ODAM: variants seen among roughly 807,000 people sequenced by gnomAD.
The protein encoded by ODAM is odontogenic ameloblast-associated protein.
A neutral mutation model predicts 48.5 loss-of-function variants in ODAM; 55 were observed. That is an observed-to-expected ratio of 1.13 (90% CI 0.91 to 1.42). The LOEUF (loss-of-function observed/expected upper bound fraction) is 1.42. Ranked by LOEUF, ODAM falls within the 40% of genes most tolerant of loss-of-function variation. ODAM has a pLI of 0.00. For missense variants in ODAM, 353 were observed against 323.6 expected (o/e 1.09, Z -0.70); for synonymous variants, 127 against 107.8 (o/e 1.18, Z -1.10).
chr4:70,200,285 C>A, intron 6 of ODAM: 1 of 456,888 alleles, frequency 2.2e-6, no homozygotes, highest in African/African-American at 2.1e-5. Flanking sequence ...TGTGTTTGCC[C>A]AAGCAACCTT....
chr4:70,197,882 G>A (rs1217274892), intron 4 of ODAM, 42 bp from the exon 5 acceptor site: 1 of 1,511,142 alleles, frequency 6.6e-7, no homozygotes, highest in South Asian at 1.2e-5. Flanking sequence ...AATTCTTTTT[G>A]GCATGAAGGG....
At chr4:70,201,186 G>A (rs1222978959) in intron 7 of ODAM, among the ~76,000 whole-genome samples, 3 of 151,620 alleles carry the variant, frequency 2.0e-5, no homozygotes, top group Non-Finnish European at 4.4e-5. Flanking sequence ...AGAAAACTCA[G>A]AATTATGCTT....
Position 70,200,601 on chromosome 4 carries a change from G to C in ODAM, c.528G>C (p.Gln176His). Residue 176 changes from glutamine to histidine, a missense_variant and splice_region_variant, in exon 7 of 12, where the codon CAG becomes CAC. By Grantham distance (24) the Gln-to-His change is conservative (BLOSUM62 0). Transcript: ENST00000683306. ...QQTRQQQYEE[Q>H]IPFYAQFGYI... ...CAAGACAGCAACAGTATGAGGAGCA[G>C]GTACTGCAAATGTTTTATTTTAATC... The C allele has an allele frequency of 6.3e-7, 1 of 1,584,574 alleles. No homozygotes were observed. Among genetic ancestry groups the C allele is most frequent in the Non-Finnish European group, 8.7e-7 (1 of 1,155,750 alleles).
chr4:70,201,146 A>G (rs1729484761), intron 7 of ODAM, among the ~76,000 whole-genome samples: 1 of 151,994 alleles, frequency 6.6e-6, no homozygotes, highest in East Asian at 1.9e-4. Context: ...TAGTTTAATC[A>G]TAACTCTAAA....
chr4:70,201,889 T>C (rs1729500949), intron 8 of ODAM, among the ~76,000 whole-genome samples: 1 of 151,954 alleles, frequency 6.6e-6, no homozygotes, highest in African/African-American at 2.4e-5. Flanking sequence ...CAGTCGCTCA[T>C]ATTAGCCAAG....
chr4:70,202,208 A>G (rs781631507), intron 8 of ODAM, 50 bp from the exon 9 acceptor site: 17 of 1,423,126 alleles, frequency 1.2e-5, no homozygotes, highest in Non-Finnish European at 1.6e-5. Flanking sequence ...CAAAGAGCAT[A>G]TTTTCAACGA....
intron 4 of ODAM, 21 bp from the exon 5 acceptor site, chr4:70,197,903 C>A: frequency 6.3e-7 from 1 of 1,597,780 alleles, no homozygotes; most frequent in African/African-American, 1.3e-5. Context: ...AACATGCTTT[C>A]TTTCCTTTGT....
chr4:70,202,183 G>T (rs1729511030), intron 8 of ODAM, 75 bp from the exon 9 acceptor site: 1 of 995,088 alleles, frequency 1.0e-6, no homozygotes, highest in Admixed American at 1.8e-5. Flanking sequence ...TTACTACTCT[G>T]GTACTCTGGG....
intron 3 of ODAM, among the ~76,000 whole-genome samples, chr4:70,197,005 T>C (rs564899447): frequency 1.1e-4 from 16 of 152,180 alleles, no homozygotes; most frequent in African/African-American, 3.6e-4. Context: ...TGTATATAGG[T>C]GTTTAAAAAC....
intron 3 of ODAM, among the ~76,000 whole-genome samples, 191 bp downstream of exon 3, chr4:70,196,924 T>C (rs1298706739): frequency 6.6e-6 from 1 of 152,022 alleles, no homozygotes; most frequent in Non-Finnish European, 1.5e-5. Flanking sequence ...TTCCCTTGAT[T>C]GATTGTTAAT....
chr4:70,198,501 G>C, intron 5 of ODAM, 78 bp from the exon 6 acceptor site: 1 of 1,113,866 alleles, frequency 9.0e-7, no homozygotes, highest in Non-Finnish European at 1.3e-6. Flanking sequence ...TATATGGCTA[G>C]CTCTAGGAAA....
chr4:70,201,630 T>A (rs1729496236), intron 8 of ODAM, 129 bp downstream of exon 8: 4 of 650,112 alleles, frequency 6.2e-6, no homozygotes, highest in East Asian at 2.9e-5. Flanking sequence ...ATTGTATGTA[T>A]CCACTCAGTA....
chr4:70,196,752 A>G lies in ODAM; in HGVS notation c.93+19A>G. 6.3e-7 allele frequency: 1 copy of G among 1,581,486 alleles called. No homozygotes were observed. Among genetic ancestry groups the G allele is most frequent in the Non-Finnish European group, 8.6e-7 (1 of 1,157,452 alleles). ...CAATGAGGTTAGTTTAAATAATTAA[A>G]ACAATCTCCTCCTTTTTTTAATGGA... On this transcript the variant is annotated intron_variant, in intron 3 of 11. Coordinates refer to ENST00000683306, the MANE Select transcript of ODAM (RefSeq NM_017855.4).
At chr4:70,202,378 C>A in intron 9 of ODAM, 49 bp downstream of exon 9, 6 of 1,331,810 alleles carry the variant, frequency 4.5e-6, no homozygotes, top group Non-Finnish European at 6.5e-6. Context: ...CAACAATTGA[C>A]AACTTACTGC....
intron 6 of ODAM, among the ~76,000 whole-genome samples, chr4:70,199,053 A>G (rs1468740593): frequency 6.6e-6 from 1 of 152,020 alleles, no homozygotes; most frequent in South Asian, 2.1e-4. Flanking sequence ...ACACTTGCCC[A>G]TGTTATTTGG....
chr4:70,197,082 G>A (rs1200755081), intron 3 of ODAM, among the ~76,000 whole-genome samples, 192 bp from the exon 4 acceptor site: 1 of 152,052 alleles, frequency 6.6e-6, no homozygotes, highest in African/African-American at 2.4e-5. Context: ...AGGAGAGGTT[G>A]TTAAATCCCA....
intron 6 of ODAM, among the ~76,000 whole-genome samples, chr4:70,199,164 A>G (rs537616624): frequency 1.3e-5 from 2 of 152,150 alleles, no homozygotes; most frequent in South Asian, 4.1e-4. Flanking sequence ...AAATAGGATA[A>G]TCTTTTAAAA....
chr4:70,197,076 G>A (rs191212763), intron 3 of ODAM, among the ~76,000 whole-genome samples, 198 bp from the exon 4 acceptor site: 176 of 152,158 alleles, frequency 1.2e-3, no homozygotes, highest in Non-Finnish European at 2.0e-3. Flanking sequence ...CAACAGAGGA[G>A]AGGTTGTTAA....
At position 70,200,632 on chromosome 4, in the gene ODAM, A is replaced by G. The variant is rs765820761; in HGVS notation, c.528+31A>G. 2.5e-5 allele frequency: 34 copies of G among 1,383,984 alleles called. No individual in the cohort carries two copies. The Admixed American group carries it at 6.1e-4, about 25-fold the overall frequency. 85.7% of individuals were successfully genotyped at this position (1,383,984 alleles called of 1,614,324 possible). ...GCAAATGTTTTATTTTAATCCTACT[A>G]GTTCCACTTGAAAATAGAGAAAATA... On this transcript the variant is annotated intron_variant, in intron 7 of 11. Transcript: ENST00000683306.
Sources: gnomAD v4.1 joint callset for allele counts (sites outside exome capture counted in the v4.1 genomes callset) on GRCh38, gnomAD v4.1.1 for gene constraint, MANE v1.5 for transcripts, NCBI Gene and HGNC (gene_info 2026-07-23, HGNC 2026-07-21) for gene names.